Variants in LAMC3 observed in about 807,000 individuals in gnomAD.
LAMC3 encodes the protein laminin subunit gamma-3.
LAMC3 carries 128 observed loss-of-function variants against 173.8 expected under a neutral mutation model. The observed-to-expected ratio is 0.74, with a 90% CI of 0.64 to 0.85. The LOEUF (loss-of-function observed/expected upper bound fraction) is 0.85. Among genes scored for constraint, LAMC3 ranks in the 40% least tolerant of loss-of-function variants. The probability of loss-of-function intolerance (pLI) is 0.00; values close to 1 mark genes in which losing one functional copy is unlikely to be tolerated. For missense variants in LAMC3, 2,022 were observed against 2,156.0 expected (o/e 0.94, Z 1.23); for synonymous variants, 897 against 909.1 (o/e 0.99, Z 0.24).
intron 9 of LAMC3, among the ~76,000 whole-genome samples, chr9:131,051,692 A>C (rs1834288922): frequency 6.6e-6 from 1 of 152,152 alleles, no homozygotes. Context: ...GGACAGTGGA[A>C]ATACTGCACA....
intron 6 of LAMC3, among the ~76,000 whole-genome samples, chr9:131,039,969 AAAAAC>A (rs1834018073): frequency 6.7e-6 from 1 of 149,252 alleles, no homozygotes; most frequent in African/African-American, 2.6e-5. Flanking sequence ...ACAATGGCCA[AAAAAC>A]AAAAACAAAA....
intron 24 of LAMC3, among the ~76,000 whole-genome samples, chr9:131,085,184 A>G (rs988769891): frequency 1.3e-5 from 2 of 152,188 alleles, no homozygotes; most frequent in African/African-American, 4.8e-5. Flanking sequence ...AGACGTAGGC[A>G]GTACATGAAA....
intron 24 of LAMC3, among the ~76,000 whole-genome samples, chr9:131,083,596 C>A (rs958869276): frequency 6.6e-6 from 1 of 152,222 alleles, no homozygotes; most frequent in South Asian, 2.1e-4. Flanking sequence ...TTACAGAGAA[C>A]GCTTGAGAAT....
chr9:131,079,966 G>T (rs541257692), intron 23 of LAMC3, among the ~76,000 whole-genome samples: 23 of 152,240 alleles, frequency 1.5e-4, no homozygotes, highest in Admixed American at 9.2e-4. Flanking sequence ...CAGCTGTACC[G>T]ATAATTTTGT....
chr9:131,047,165 C>CTTTTTTTT (rs398012456), intron 8 of LAMC3, among the ~76,000 whole-genome samples: 2,135 of 102,120 alleles, frequency 0.021, 259 homozygotes, highest in Non-Finnish European at 0.03. Context: ...CTGAATTCCT[C>CTTTTTTTT]TTTTTTTTTT....
intron 1 of LAMC3, among the ~76,000 whole-genome samples, chr9:131,012,094 C>T (rs952222594): frequency 2.0e-5 from 3 of 151,998 alleles, no homozygotes; most frequent in Non-Finnish European, 4.4e-5. Flanking sequence ...CACACACACT[C>T]CCTGCTGTGT....
rs141038801 is a variant in LAMC3, at chr9:131,075,372, G to A, written c.3495-459G>A. Reference sequence around the variant, plus strand: ...GTGGATCGCCTGAGGACAGGAGGTCGAGACCAGCCTGGCCAATGTGGTGAG... The same window carrying A: ...GTGGATCGCCTGAGGACAGGAGGTCAAGACCAGCCTGGCCAATGTGGTGAG... On this transcript the variant is annotated intron_variant, in intron 20 of 27. Coordinates refer to ENST00000361069, the MANE Select transcript of LAMC3 (RefSeq NM_006059.4). Among the ~76,000 whole-genome samples the A allele has an allele frequency of 3.4e-4, 52 of 152,184 alleles. No individual in the cohort carries two copies. In the East Asian group the frequency reaches 3.9e-3, roughly 11 times the overall value.
rs1833375993 is a variant in LAMC3 at position 131,009,638 on chromosome 9, T to TG, written c.373+56dup. The TG allele has an allele frequency of 6.5e-7, 1 of 1,543,530 alleles. No individual in the cohort carries two copies. The highest frequency in any genetic ancestry group is 8.7e-7 in the Non-Finnish European group (1 of 1,146,122). ...ACCGCACCCCGTGTCCCCACTCCAC[T>TG]GGGGGTCTGAGGCTGAGGCCTGAGC... On this transcript the variant is annotated intron_variant, in intron 1 of 27. Coordinates refer to ENST00000361069, the MANE Select transcript of LAMC3 (RefSeq NM_006059.4). The surrounding 1 kb of genome is among the most constrained non-coding windows in gnomAD (Gnocchi z 4.3).
At chr9:131,037,227 G>T (rs1366900016) in intron 4 of LAMC3, among the ~76,000 whole-genome samples, 2 of 152,196 alleles carry the variant, frequency 1.3e-5, no homozygotes, top group Non-Finnish European at 2.9e-5. Context: ...GGGACACAGA[G>T]GCCAGACTGC....
chr9:131,075,021 T>TGGGA (rs1830099242), intron 20 of LAMC3, among the ~76,000 whole-genome samples: 1 of 152,152 alleles, frequency 6.6e-6, no homozygotes, highest in East Asian at 1.9e-4. Flanking sequence ...CCCAGCACTT[T>TGGGA]GGGAGGCTGA....
intron 1 of LAMC3, among the ~76,000 whole-genome samples, chr9:131,015,010 G>A (rs567987168): frequency 2.0e-5 from 3 of 152,200 alleles, no homozygotes; most frequent in South Asian, 2.1e-4. Context: ...CAAATGCTTC[G>A]TGCCTGGGAC....
chr9:131,031,108 G>A (rs932738655), intron 2 of LAMC3, among the ~76,000 whole-genome samples: 5 of 152,236 alleles, frequency 3.3e-5, no homozygotes, highest in Admixed American at 2.0e-4. Context: ...CCGAGCTCTC[G>A]GGGAGCAGGA....
At chr9:131,052,804 C>T (rs771340046) in intron 10 of LAMC3, 46 bp from the exon 11 acceptor site, 1 of 1,295,808 alleles carries the variant, frequency 7.7e-7, no homozygotes, top group Non-Finnish European at 1.1e-6. Context: ...GCATGGTACC[C>T]CCCCACCCTA....
chr9:131,046,518 ATTTTTTT>A (rs71501242), intron 8 of LAMC3, among the ~76,000 whole-genome samples: 769 of 49,176 alleles, frequency 0.016, 13 homozygotes, highest in African/African-American at 0.052. Context: ...TAATTTTTGT[ATTTTTTT>A]TTTTTTTTTT....
intron 8 of LAMC3, among the ~76,000 whole-genome samples, chr9:131,046,518 A>AT (rs71501242): frequency 0.068 from 3,320 of 49,098 alleles, 869 homozygotes; most frequent in African/African-American, 0.13. Context: ...TAATTTTTGT[A>AT]TTTTTTTTTT....
Position 131,072,826 on chromosome 9 carries a change from C to T in LAMC3, c.3408C>T (p.Leu1136=), listed in dbSNP as rs777047703. 18 of 1,610,700 alleles carry T rather than the reference C, an allele frequency of 1.1e-5. No individual in the cohort carries two copies. The highest frequency in any genetic ancestry group is 2.7e-5 in the African/African-American group (2 of 74,874). Residue 1136 remains leucine (L), a synonymous_variant, in exon 19 of 28, where the codon CTC becomes CTT. Transcript: ENST00000361069. ...EEEILHAAAI[L]ASLEIPQEGP... is the part of the protein sequence containing the mutation. ...AGATTCTGCATGCAGCTGCCATTCT[C>T]GCGTCTCTGGTATCCCAGGGGACCC...
Position 131,038,156 on chromosome 9 carries a change from G to A in LAMC3, c.977-708G>A, listed in dbSNP as rs139830585. ...CCTCACTGCTCAGCCTTCAGATTCA[G>A]CGCGGCCATGACTTCCTCTCGGAAG... is the stretch of plus-strand genomic sequence containing the variant. On this transcript the variant is annotated intron_variant, in intron 4 of 27. Coordinates refer to ENST00000361069, the MANE Select transcript of LAMC3 (RefSeq NM_006059.4). 2.0e-5 allele frequency among the ~76,000 whole-genome samples: 3 copies of A among 152,312 alleles called. No individual in the cohort carries two copies. The East Asian group carries it at 5.8e-4, about 29-fold the overall frequency.
chr9:131,086,382 G>A (rs927722390), intron 25 of LAMC3, among the ~76,000 whole-genome samples: 1 of 85,760 alleles, frequency 1.2e-5, no homozygotes, highest in South Asian at 4.2e-4. Context: ...CCAGCTTAAG[G>A]GTTTTTGGTT....
chr9:131,069,528 G>C (rs1176668588), intron 16 of LAMC3, 144 bp from the exon 17 acceptor site: 1 of 780,760 alleles, frequency 1.3e-6, no homozygotes, highest in Non-Finnish European at 2.2e-6. Context: ...CTCCAGGGAA[G>C]GGCCCAGGAA....
Sources: gnomAD v4.1 joint callset for allele counts (sites outside exome capture counted in the v4.1 genomes callset) on GRCh38, gnomAD v4.1.1 for gene constraint, Gnocchi (gnomAD v3.1) non-coding constraint, MANE v1.5 for transcripts, NCBI Gene and HGNC (gene_info 2026-07-23, HGNC 2026-07-21) for gene names.